Variants in XNDC1N observed in about 807,000 individuals in gnomAD.
The protein encoded by XNDC1N is protein XNDC1N.
At chr11:71,880,271 T>C in the XNDC1N span, among the ~76,000 whole-genome samples, 1 of 152,154 alleles carries the variant, frequency 6.6e-6, no homozygotes, top group African/African-American at 2.4e-5. Context: ...TTGGTGTTGG[T>C]AAAAAAAATT....
the XNDC1N span, among the ~76,000 whole-genome samples, chr11:71,891,482 T>C: frequency 6.6e-6 from 1 of 151,978 alleles, no homozygotes. Context: ...CAAACCTGGA[T>C]GTTAGCAACC....
At chr11:71,923,565 T>G in the XNDC1N span, 405 of 567,494 alleles carry the variant, frequency 7.1e-4, 2 homozygotes, top group African/African-American at 7.0e-3. Flanking sequence ...GTTTTGTTTT[T>G]TTTTTTTTGA....
At chr11:71,917,109 G>A in the XNDC1N span, 1 of 297,480 alleles carries the variant, frequency 3.4e-6, no homozygotes, top group East Asian at 7.8e-5. Context: ...TGCCTCCCAG[G>A]TTCAAGCAAT....
At chr11:71,878,955 A>G in the XNDC1N span, among the ~76,000 whole-genome samples, 1 of 152,144 alleles carries the variant, frequency 6.6e-6, no homozygotes, top group African/African-American at 2.4e-5. Context: ...AGCTTAGTTC[A>G]TGCCACTGCA....
the XNDC1N span, among the ~76,000 whole-genome samples, chr11:71,866,012 G>A: frequency 2.6e-5 from 4 of 152,178 alleles, no homozygotes; most frequent in Non-Finnish European, 4.4e-5. Flanking sequence ...ATTCACTCAA[G>A]TAGAGACTTT....
the XNDC1N span, among the ~76,000 whole-genome samples, chr11:71,869,168 A>T: frequency 6.6e-6 from 1 of 151,702 alleles, no homozygotes; most frequent in African/African-American, 2.4e-5. Context: ...CGTAATTTAC[A>T]CTAGGTATAT....
the XNDC1N span, among the ~76,000 whole-genome samples, chr11:71,900,128 G>A: frequency 6.6e-6 from 1 of 152,326 alleles, no homozygotes. Flanking sequence ...CATCTTCGTT[G>A]CTGACCTTCT....
the XNDC1N span, chr11:71,884,686 A>T: frequency 2.3e-6 from 3 of 1,282,700 alleles, no homozygotes; most frequent in Non-Finnish European, 2.2e-6. Context: ...TCAGGTGAAA[A>T]TGAATATAAA....
At chr11:71,903,583 T>G in the XNDC1N span, 1 of 660,120 alleles carries the variant, frequency 1.5e-6, no homozygotes, top group Admixed American at 2.1e-5. Flanking sequence ...TCACCCTCCA[T>G]ATCGTTCAGC....
At chr11:71,917,324 A>T in the XNDC1N span, 140 of 640,686 alleles carry the variant, frequency 2.2e-4, 1 homozygote, top group African/African-American at 2.4e-3. Context: ...ACAAAAATAT[A>T]TTAATCAATA....
the XNDC1N span, among the ~76,000 whole-genome samples, chr11:71,906,920 G>A: frequency 5.3e-5 from 8 of 152,118 alleles, no homozygotes; most frequent in Non-Finnish European, 1.2e-4. Context: ...GGTAATAAGA[G>A]TAATTTGACA....
chr11:71,903,204 G>A, the XNDC1N span: 11 of 758,688 alleles, frequency 1.4e-5, no homozygotes, highest in African/African-American at 5.1e-5. Context: ...GACCCACAGA[G>A]TCTAACAGAT....
the XNDC1N span, chr11:71,893,607 C>T: frequency 4.7e-6 from 5 of 1,057,658 alleles, no homozygotes; most frequent in Middle Eastern, 2.9e-4. Flanking sequence ...TGCTCAACAT[C>T]CTGGCTGTCA....
the XNDC1N span, among the ~76,000 whole-genome samples, chr11:71,869,903 T>C: frequency 6.6e-6 from 1 of 152,194 alleles, no homozygotes; most frequent in African/African-American, 2.4e-5. Flanking sequence ...CTGTCTGTAT[T>C]AATCTGTTCT....
chr11:71,886,270 T>G, the XNDC1N span, among the ~76,000 whole-genome samples: 3 of 152,168 alleles, frequency 2.0e-5, no homozygotes, highest in Non-Finnish European at 4.4e-5. Context: ...CAACCCCACC[T>G]GGGCTGATTG....
At chr11:71,883,582 A>G in the XNDC1N span, among the ~76,000 whole-genome samples, 1 of 152,212 alleles carries the variant, frequency 6.6e-6, no homozygotes, top group African/African-American at 2.4e-5. Flanking sequence ...CTACACACAA[A>G]AAGCAATTCA....
the XNDC1N span, among the ~76,000 whole-genome samples, chr11:71,879,824 T>C: frequency 4.6e-5 from 7 of 152,208 alleles, no homozygotes; most frequent in Admixed American, 2.0e-4. Flanking sequence ...ACATTTACTA[T>C]GAACAGAATA....
chr11:71,893,902 G>C, the XNDC1N span: 8 of 989,542 alleles, frequency 8.1e-6, no homozygotes, highest in East Asian at 2.4e-4. Flanking sequence ...TGTCTTCTTC[G>C]TTTTGGTGTC....
the XNDC1N span, among the ~76,000 whole-genome samples, chr11:71,872,704 G>A: frequency 1.3e-4 from 20 of 151,916 alleles, no homozygotes; most frequent in African/African-American, 4.1e-4. Flanking sequence ...CTATAGCCTG[G>A]GTGACAGAGC....
Sources: allele counts gnomAD v4.1 joint callset (sites outside exome capture counted in the v4.1 genomes callset), GRCh38; gene constraint gnomAD v4.1.1; transcripts MANE v1.5; gene names NCBI Gene and HGNC (gene_info 2026-07-23, HGNC 2026-07-21).